The following SNTG2 variants were observed in gnomAD, a reference collection of about 807,000 sequenced individuals.
The protein encoded by SNTG2 is gamma-2-syntrophin.
A neutral mutation model predicts 70.9 loss-of-function variants in SNTG2; 74 were observed. The observed-to-expected ratio is 1.04, with a 90% confidence interval of 0.86 to 1.27. The LOEUF (loss-of-function observed/expected upper bound fraction) is 1.27. Among genes scored for constraint, SNTG2 ranks in the 50% most tolerant of loss-of-function variants. The pLI is 0.00. For synonymous variants in SNTG2, 278 were observed against 273.8 expected, an observed-to-expected ratio of 1.02 and a Z score of -0.15; for missense variants, 717 against 690.7, an observed-to-expected ratio of 1.04 and a Z score of -0.43.
chr2:1,279,976 T>G (rs899139802), intron 14 of SNTG2, among the ~76,000 whole-genome samples: 1 of 152,246 alleles, frequency 6.6e-6, no homozygotes, highest in Non-Finnish European at 1.5e-5. Context: ...ACTGTATCTT[T>G]GCGTGATATT....
intron 14 of SNTG2, among the ~76,000 whole-genome samples, chr2:1,277,232 G>C (rs1319082747): frequency 6.6e-6 from 1 of 152,242 alleles, no homozygotes; most frequent in Non-Finnish European, 1.5e-5. Context: ...CTATCAAACA[G>C]CATCACATGC....
At chr2:1,236,527 T>A (rs1676671351) in intron 9 of SNTG2, among the ~76,000 whole-genome samples, 1 of 152,246 alleles carries the variant, frequency 6.6e-6, no homozygotes, top group African/African-American at 2.4e-5. Flanking sequence ...TCTGTCCTCC[T>A]GCCAAGTCAA....
chr2:1,255,818 A>G (rs1391567993), intron 12 of SNTG2, among the ~76,000 whole-genome samples: 10 of 110,358 alleles, frequency 9.1e-5, no homozygotes, highest in Non-Finnish European at 1.6e-4. Context: ...ACAAAGTTGT[A>G]TGTATATATA....
chr2:1,085,335 T>C (rs1449457992), intron 2 of SNTG2, among the ~76,000 whole-genome samples: 1 of 152,208 alleles, frequency 6.6e-6, no homozygotes. Context: ...ATTTTAAAAG[T>C]CTATAGCATC....
rs752330204 is a variant in SNTG2 at position 1,222,449 on chromosome 2, G to GC, written c.719+13220dup. On this transcript the variant is annotated intron_variant, in intron 9 of 16. Coordinates refer to ENST00000308624, the MANE Select transcript of SNTG2 (RefSeq NM_018968.4). ...TTTGTGATGAAAATGAACAGGAGGGGCTTCTTAAGCTGGAGGTGCTGGATC... is the reference window on the plus strand; with the variant it reads ...TTTGTGATGAAAATGAACAGGAGGGGCCTTCTTAAGCTGGAGGTGCTGGATC... Among the ~76,000 whole-genome samples, 30 of 152,370 alleles carry GC rather than the reference G, an allele frequency of 2.0e-4. No homozygotes were observed. The East Asian group carries it at 5.4e-3, about 27-fold the overall frequency.
At chr2:1,058,886 C>A (rs1465609701) in intron 1 of SNTG2, among the ~76,000 whole-genome samples, 1 of 152,188 alleles carries the variant, frequency 6.6e-6, no homozygotes, top group South Asian at 2.1e-4. Flanking sequence ...GCTCTCATTG[C>A]TGTCACTGGT....
At chr2:993,325 TCCATG>T (rs1176559499) in intron 1 of SNTG2, among the ~76,000 whole-genome samples, 1 of 151,026 alleles carries the variant, frequency 6.6e-6, no homozygotes, top group Non-Finnish European at 1.5e-5. Context: ...GATTTCAAGT[TCCATG>T]CACATTATAG....
chr2:1,000,758 T>C (rs1372892308), intron 1 of SNTG2, among the ~76,000 whole-genome samples: 2 of 151,180 alleles, frequency 1.3e-5, no homozygotes, highest in Non-Finnish European at 3.0e-5. Flanking sequence ...CATTTCTCAC[T>C]CATTCTATGA....
intron 6 of SNTG2, among the ~76,000 whole-genome samples, chr2:1,152,998 C>T (rs56252930): frequency 0.073 from 11,063 of 152,090 alleles, 870 homozygotes; most frequent in African/African-American, 0.19. Flanking sequence ...GTGGCGGGCG[C>T]CTGTGATTCT....
chr2:1,293,889 A>G (rs190033249), intron 14 of SNTG2, among the ~76,000 whole-genome samples: 222 of 152,312 alleles, frequency 1.5e-3, no homozygotes, highest in Non-Finnish European at 2.6e-3. Flanking sequence ...TTGATGCTGT[A>G]ATAGTGCCAT....
At chr2:962,312 C>T (rs1025125729) in intron 1 of SNTG2, among the ~76,000 whole-genome samples, 1 of 138,852 alleles carries the variant, frequency 7.2e-6, no homozygotes, top group Non-Finnish European at 1.6e-5. Flanking sequence ...TCTTAAGCGA[C>T]CCTCCTGCCT....
At chr2:1,223,563 T>G (rs563563918) in intron 9 of SNTG2, among the ~76,000 whole-genome samples, 1 of 152,302 alleles carries the variant, frequency 6.6e-6, no homozygotes, top group Non-Finnish European at 1.5e-5. Flanking sequence ...TCACCTCAAT[T>G]TCCTGGCACC....
chr2:1,243,755 G>A (rs28648720), intron 11 of SNTG2, among the ~76,000 whole-genome samples: 30,126 of 152,202 alleles, frequency 0.2, 4,384 homozygotes, highest in African/African-American at 0.4. Flanking sequence ...AAGGAAACTC[G>A]ACAGTATGTG....
intron 1 of SNTG2, among the ~76,000 whole-genome samples, chr2:1,015,389 A>G (rs566811934): frequency 2.6e-5 from 4 of 152,218 alleles, no homozygotes; most frequent in Non-Finnish European, 4.4e-5. Flanking sequence ...TTTTTCAAAA[A>G]CACACCATAA....
intron 1 of SNTG2, among the ~76,000 whole-genome samples, chr2:1,005,422 G>A (rs1390405896): frequency 1.3e-5 from 2 of 152,016 alleles, no homozygotes; most frequent in Non-Finnish European, 2.9e-5. Flanking sequence ...TGGGGGCGGT[G>A]GGGGTACGTG....
At position 1,367,351 on chromosome 2, in the gene SNTG2, G is replaced by C; in HGVS notation, c.1497G>C (p.Glu499Asp). Residue 499 changes from glutamate (E) to aspartate (D), a missense_variant, in exon 17 of 17, where the codon GAG becomes GAC. By Grantham distance (45) the Glu-to-Asp change is conservative. Coordinates refer to ENST00000308624, the MANE Select transcript of SNTG2 (RefSeq NM_018968.4). ...CTGATTTTCTCCTCCAGGAACTCGA[G>C]TTCCAGGACCTGAGGGCTGTCCTGC... ...DTKQIETKELEFQDLRAVLHC... is the reference protein window; with the variant it reads ...DTKQIETKELDFQDLRAVLHC... 6.5e-7 allele frequency: 1 copy of C among 1,535,284 alleles called. No homozygotes were observed. Among genetic ancestry groups the C allele is most frequent in the Non-Finnish European group, 8.8e-7 (1 of 1,141,270 alleles).
chr2:1,267,582 A>G lies in SNTG2; in HGVS notation c.1284+11A>G. On this transcript the variant is annotated intron_variant, in intron 14 of 16. Transcript: ENST00000308624. ...GTTCAGAGAACCGGGGTAAGTGAACAACTCACACTCTTCTCACCTACACCT... is the reference window on the plus strand; with the variant it reads ...GTTCAGAGAACCGGGGTAAGTGAACGACTCACACTCTTCTCACCTACACCT... 3.1e-6 allele frequency: 5 copies of G among 1,611,378 alleles called. No individual in the cohort carries two copies. Among genetic ancestry groups the G allele is most frequent in the Non-Finnish European group, 4.2e-6 (5 of 1,179,174 alleles).
intron 1 of SNTG2, among the ~76,000 whole-genome samples, chr2:1,042,626 G>GATTTC (rs1342795254): frequency 6.6e-6 from 1 of 152,122 alleles, no homozygotes; most frequent in Non-Finnish European, 1.5e-5. Context: ...CCAGTGTTTG[G>GATTTC]ATTTCTGTTC....
intron 16 of SNTG2, among the ~76,000 whole-genome samples, chr2:1,366,753 G>A (rs969938514): frequency 6.6e-6 from 1 of 151,910 alleles, no homozygotes; most frequent in Non-Finnish European, 1.5e-5. Context: ...AAGCCCACAC[G>A]CACCCACACA....
Sources: allele counts gnomAD v4.1 joint callset (sites outside exome capture counted in the v4.1 genomes callset), GRCh38; gene constraint gnomAD v4.1.1; transcripts MANE v1.5; gene names NCBI Gene and HGNC (gene_info 2026-07-23, HGNC 2026-07-21).